PRR16: variants seen among roughly 807,000 people sequenced by gnomAD.
PRR16 encodes proline rich 16, also known as protein Largen.
A neutral mutation model predicts 18.2 loss-of-function variants in PRR16; 6 were observed. The observed-to-expected ratio is 0.33, with a 90% CI of 0.18 to 0.65. The LOEUF (loss-of-function observed/expected upper bound fraction) is 0.65, where lower values mean the gene tolerates loss of function less well. Ranked by LOEUF, PRR16 falls within the 30% of genes least tolerant of loss-of-function variation. The probability of loss-of-function intolerance (pLI) is 0.74; values close to 1 mark genes in which losing one functional copy is unlikely to be tolerated. For synonymous variants in PRR16, 151 were observed against 147.8 expected, an observed-to-expected ratio of 1.02 and a Z score of -0.16; for missense variants, 412 against 376.6, an observed-to-expected ratio of 1.09 and a Z score of -0.78.
chr5:120,484,334 G>A (rs931167986), intron 1 of PRR16, among the ~76,000 whole-genome samples: 1 of 117,966 alleles, frequency 8.5e-6, no homozygotes, highest in East Asian at 2.3e-4. Flanking sequence ...ATATATAAAT[G>A]TATATACTTT....
chr5:120,556,995 C>G (rs771601356), intron 1 of PRR16, among the ~76,000 whole-genome samples: 2 of 151,694 alleles, frequency 1.3e-5, no homozygotes, highest in South Asian at 2.1e-4. Context: ...AGAAGATTCT[C>G]CACTATTCAT....
At chr5:120,705,990 C>G in the PRR16 span, among the ~76,000 whole-genome samples, 13 of 152,142 alleles carry the variant, frequency 8.5e-5, no homozygotes, top group Non-Finnish European at 1.9e-4. Context: ...CACATTGTAT[C>G]TTTCATCATT....
chr5:120,491,584 C>G (rs2112828146), intron 1 of PRR16, among the ~76,000 whole-genome samples: 1 of 151,898 alleles, frequency 6.6e-6, no homozygotes, highest in Middle Eastern at 3.4e-3. Flanking sequence ...TGCCCTGTGG[C>G]CCAAGCTGGA....
At chr5:120,631,809 C>G (rs1426668846) in intron 1 of PRR16, among the ~76,000 whole-genome samples, 1 of 152,084 alleles carries the variant, frequency 6.6e-6, no homozygotes, top group Non-Finnish European at 1.5e-5. Flanking sequence ...ATGGCCCCAC[C>G]CACCACCTGA....
chr5:120,663,762 A>G (rs1352026340), intron 1 of PRR16, among the ~76,000 whole-genome samples: 2 of 152,162 alleles, frequency 1.3e-5, no homozygotes, highest in African/African-American at 2.4e-5. Context: ...TTGTTCCTTT[A>G]GACAGTTGAG....
At chr5:120,676,522 A>ATATGTGTG (rs1229784853) in intron 1 of PRR16, among the ~76,000 whole-genome samples, 2 of 125,982 alleles carry the variant, frequency 1.6e-5, no homozygotes, top group African/African-American at 5.8e-5. Context: ...ATATATATAT[A>ATATGTGTG]TGTGTGTGTG....
At chr5:120,774,808 C>G in the PRR16 span, among the ~76,000 whole-genome samples, 1 of 152,194 alleles carries the variant, frequency 6.6e-6, no homozygotes, top group South Asian at 2.1e-4. Context: ...CATGAATAGC[C>G]ATCTTACAAT....
intron 1 of PRR16, among the ~76,000 whole-genome samples, chr5:120,558,912 T>TCATTTGC (rs1421040817): frequency 6.6e-6 from 1 of 152,076 alleles, no homozygotes; most frequent in African/African-American, 2.4e-5. Flanking sequence ...GAACACCTTT[T>TCATTTGC]CATTTGCCTG....
At chr5:120,779,406 G>GAAAAC in the PRR16 span, among the ~76,000 whole-genome samples, 19 of 151,916 alleles carry the variant, frequency 1.3e-4, no homozygotes, top group East Asian at 3.9e-4. Context: ...CTTTTTCAGG[G>GAAAAC]AAAACAAAAC....
chr5:120,673,646 T>G (rs184756133), intron 1 of PRR16, among the ~76,000 whole-genome samples: 121 of 152,206 alleles, frequency 7.9e-4, no homozygotes, highest in African/African-American at 2.7e-3. Context: ...ACTTAAAACA[T>G]GAACGTACTA....
intron 1 of PRR16, among the ~76,000 whole-genome samples, chr5:120,597,534 A>T (rs915721661): frequency 6.6e-6 from 1 of 151,812 alleles, no homozygotes; most frequent in Non-Finnish European, 1.5e-5. Context: ...GTATTCTAAT[A>T]TCCCATATTT....
chr5:120,546,945 C>G (rs1752092879), intron 1 of PRR16, among the ~76,000 whole-genome samples: 1 of 152,076 alleles, frequency 6.6e-6, no homozygotes, highest in Admixed American at 6.6e-5. Flanking sequence ...TATCGATACT[C>G]ACTCTTAGTT....
chr5:120,637,082 C>T (rs1206614791), intron 1 of PRR16, among the ~76,000 whole-genome samples: 1 of 151,768 alleles, frequency 6.6e-6, no homozygotes, highest in Non-Finnish European at 1.5e-5. Flanking sequence ...ACCACAATGC[C>T]ATACCAGCTC....
chr5:120,759,379 T>C, the PRR16 span, among the ~76,000 whole-genome samples: 2 of 152,046 alleles, frequency 1.3e-5, no homozygotes, highest in Admixed American at 6.6e-5. Flanking sequence ...ATTTATCTTA[T>C]AGAGATTTGT....
Position 120,483,991 on chromosome 5 carries a change from A to C in PRR16, c.159+19346A>C, listed in dbSNP as rs148392583. On this transcript the variant is annotated intron_variant, in intron 1 of 1. Coordinates refer to ENST00000407149, the MANE Select transcript of PRR16 (RefSeq NM_001300783.2). Reference sequence around the variant, plus strand: ...AGCCTATAGTAGATTGTAGATACCAAATTAGAAGGGGTTACAAGTCTTCTT... The same window carrying C: ...AGCCTATAGTAGATTGTAGATACCACATTAGAAGGGGTTACAAGTCTTCTT... Among the ~76,000 whole-genome samples, 672 of 152,156 alleles carry C rather than the reference A, an allele frequency of 4.4e-3. 2 individuals are homozygous for C. The highest frequency in any genetic ancestry group is 0.015 in the African/African-American group (633 of 41,564).
the PRR16 span, among the ~76,000 whole-genome samples, chr5:120,784,980 A>G: frequency 1.3e-5 from 2 of 152,142 alleles, no homozygotes; most frequent in South Asian, 2.1e-4. Context: ...ACCTAGCCTG[A>G]CCACCCGCTG....
chr5:120,707,566 A>G, the PRR16 span, among the ~76,000 whole-genome samples: 1 of 152,214 alleles, frequency 6.6e-6, no homozygotes, highest in African/African-American at 2.4e-5. Flanking sequence ...AGGAAGAGCC[A>G]TATAATCTGC....
At chr5:120,492,826 C>T (rs1335279628) in intron 1 of PRR16, among the ~76,000 whole-genome samples, 1 of 152,160 alleles carries the variant, frequency 6.6e-6, no homozygotes, top group Non-Finnish European at 1.5e-5. Flanking sequence ...TTTTCCATTC[C>T]TGTGTTAGTT....
At position 120,665,639 on chromosome 5, in the gene PRR16, G is replaced by A. The variant is rs555692438; in HGVS notation, c.160-20315G>A. Reference sequence around the variant, plus strand: ...CATCTCGAATTAATTTTTGTGTAAGGTGTAAGGAAGGGATCCAGTTTCAGC... The same window carrying A: ...CATCTCGAATTAATTTTTGTGTAAGATGTAAGGAAGGGATCCAGTTTCAGC... On this transcript the variant is annotated intron_variant, in intron 1 of 1. Transcript: ENST00000407149. Among the ~76,000 whole-genome samples, 676 of 152,142 alleles carry A rather than the reference G, an allele frequency of 4.4e-3. 5 individuals are homozygous for A. Among genetic ancestry groups the A allele is most frequent in the African/African-American group, 0.015 (632 of 41,510 alleles).
Sources: gnomAD v4.1 joint callset for allele counts (sites outside exome capture counted in the v4.1 genomes callset) on GRCh38, gnomAD v4.1.1 for gene constraint, MANE v1.5 for transcripts, NCBI Gene and HGNC (gene_info 2026-07-23, HGNC 2026-07-21) for gene names.